The following LRP2 variants were observed in gnomAD, a reference collection of about 807,000 sequenced individuals.
LRP2 encodes LDL receptor related protein 2.
A neutral mutation model predicts 531.0 loss-of-function variants in LRP2; 172 were observed. The observed-to-expected ratio is 0.32, with a 90% CI of 0.29 to 0.37. LRP2 has a LOEUF of 0.37. Among genes scored for constraint, LRP2 ranks in the 10% least tolerant of loss-of-function variants. LRP2 has a pLI of 1.00. For synonymous variants in LRP2, 1,992 were observed against 2,027.6 expected, an observed-to-expected ratio of 0.98 and a Z score of 0.47; for missense variants, 5,167 against 5,868.3, an observed-to-expected ratio of 0.88 and a Z score of 3.90.
At chr2:169,168,172 G>C (rs1686858944) in intron 61 of LRP2, among the ~76,000 whole-genome samples, 1 of 150,886 alleles carries the variant, frequency 6.6e-6, no homozygotes, top group Admixed American at 6.6e-5. Context: ...GTTTGGAGAG[G>C]GTACTTCAGG....
chr2:169,143,550 G>A (rs1685803916), intron 70 of LRP2, among the ~76,000 whole-genome samples: 1 of 152,198 alleles, frequency 6.6e-6, no homozygotes. Flanking sequence ...GGAGGCTGAG[G>A]CAGGAGAATG....
intron 15 of LRP2, 138 bp downstream of exon 15, chr2:169,272,789 G>T (rs1683452775): frequency 1.9e-6 from 2 of 1,042,866 alleles, no homozygotes; most frequent in Non-Finnish European, 1.5e-6. Context: ...TGCCCTGTGG[G>T]CTACAGAAAG....
chr2:169,241,354 G>T lies in LRP2; in HGVS notation c.3679C>A (p.Pro1227Thr), dbSNP rs751177374. The change falls in exon 25 of 79, where the codon CCT (proline) becomes ACT (threonine). Residue 1227 changes from proline (P) to threonine (T), a missense_variant. Coordinates refer to ENST00000649046, the MANE Select transcript of LRP2 (RefSeq NM_004525.3). ...AATTCATCTGAGTGGCACATACCAG[G>T]AGGCCTGGTTGCTAGAAGGAAAACA... ...SDEAGCPTRP[P>T]GMCHSDEFQC... The T allele has an allele frequency of 7.4e-6, 12 of 1,614,052 alleles. No individual in the cohort carries two copies. Among genetic ancestry groups the T allele is most frequent in the Admixed American group, 1.7e-5 (1 of 60,006 alleles).
chr2:169,222,423 C>G (rs1415683108), intron 33 of LRP2, among the ~76,000 whole-genome samples: 1 of 152,100 alleles, frequency 6.6e-6, no homozygotes, highest in African/African-American at 2.4e-5. Flanking sequence ...AGTGTTGTCC[C>G]CAGTCATAAA....
intron 32 of LRP2, among the ~76,000 whole-genome samples, chr2:169,226,182 G>A (rs923004544): frequency 1.6e-4 from 24 of 152,194 alleles, no homozygotes; most frequent in Non-Finnish European, 2.5e-4. Context: ...TGCTGAATGA[G>A]TAAATAATAC....
intron 10 of LRP2, among the ~76,000 whole-genome samples, chr2:169,282,017 A>G (rs1683717654): frequency 6.6e-6 from 1 of 152,320 alleles, no homozygotes. Flanking sequence ...ATTTCACTAC[A>G]TATCTTCTTA....
intron 50 of LRP2, among the ~76,000 whole-genome samples, chr2:169,184,926 A>C (rs1687578545): frequency 6.6e-6 from 1 of 151,898 alleles, no homozygotes; most frequent in Non-Finnish European, 1.5e-5. Context: ...TTTCCTGGCT[A>C]ATTTTTTTCA....
At chr2:169,240,792 A>C in intron 25 of LRP2, 196 bp downstream of exon 25, 2 of 688,676 alleles carry the variant, frequency 2.9e-6, no homozygotes, top group East Asian at 2.6e-5. Flanking sequence ...AACCAAGTAC[A>C]AAGGATTTAA....
At chr2:169,132,072 A>T (rs192480666) in intron 77 of LRP2, among the ~76,000 whole-genome samples, 1 of 152,316 alleles carries the variant, frequency 6.6e-6, no homozygotes, top group African/African-American at 2.4e-5. Context: ...TAGTTAGATG[A>T]TTGGTTGGCC....
intron 15 of LRP2, 47 bp downstream of exon 15, chr2:169,272,880 C>A: frequency 6.2e-7 from 1 of 1,611,092 alleles, no homozygotes. Flanking sequence ...TTTGGACACA[C>A]ATACACCTGT....
intron 57 of LRP2, 82 bp downstream of exon 57, chr2:169,173,011 TACA>T: frequency 6.6e-7 from 1 of 1,509,850 alleles, no homozygotes; most frequent in Non-Finnish European, 9.2e-7. Context: ...ACATGGGAAA[TACA>T]CTCTCATCTC....
chr2:169,317,658 T>C (rs928165183), intron 3 of LRP2, among the ~76,000 whole-genome samples: 2 of 152,156 alleles, frequency 1.3e-5, no homozygotes, highest in African/African-American at 4.8e-5. Flanking sequence ...ACATCCACAA[T>C]GATACAAGAA....
intron 58 of LRP2, among the ~76,000 whole-genome samples, chr2:169,170,944 T>TG (rs57645585): frequency 2.3e-5 from 3 of 132,096 alleles, no homozygotes; most frequent in East Asian, 4.7e-4. Context: ...TTTTTTTTTT[T>TG]GAAACAGGAT....
intron 1 of LRP2, among the ~76,000 whole-genome samples, chr2:169,353,831 A>G (rs996848166): frequency 2.0e-5 from 3 of 152,114 alleles, no homozygotes; most frequent in Non-Finnish European, 4.4e-5. Context: ...TCTCTACAAA[A>G]AATATAAAAA....
rs531908429 is a variant in LRP2 at position 169,310,149 on chromosome 2, T to C, written c.311-2752A>G. On this transcript the variant is annotated intron_variant, in intron 3 of 78. Transcript: ENST00000649046. ...CTGAGACGATGGGGTTTTCTAAATA[T>C]ACAATCATGTCATCTGCAAACGGGG... 1.3e-3 allele frequency among the ~76,000 whole-genome samples: 193 copies of C among 152,342 alleles called. 1 individual carries two copies. The highest frequency in any genetic ancestry group is 4.4e-3 in the African/African-American group (183 of 41,574).
At chr2:169,331,572 C>G (rs1685268968) in intron 1 of LRP2, among the ~76,000 whole-genome samples, 1 of 152,136 alleles carries the variant, frequency 6.6e-6, no homozygotes, top group African/African-American at 2.4e-5. Context: ...GGCCCCAATC[C>G]CCACTAGAGA....
intron 15 of LRP2, among the ~76,000 whole-genome samples, chr2:169,272,690 GT>G (rs921950985): frequency 1.1e-4 from 16 of 152,186 alleles, no homozygotes; most frequent in African/African-American, 3.6e-4. Flanking sequence ...AACCTTAGAT[GT>G]GGGATTAAAG....
At chr2:169,238,616 TG>T (rs1689693018) in intron 26 of LRP2, among the ~76,000 whole-genome samples, 1 of 152,168 alleles carries the variant, frequency 6.6e-6, no homozygotes, top group African/African-American at 2.4e-5. Flanking sequence ...TTTTGTACTT[TG>T]GTTATCTTCC....
At chr2:169,166,684 C>G (rs766411318) in intron 61 of LRP2, among the ~76,000 whole-genome samples, 1 of 152,236 alleles carries the variant, frequency 6.6e-6, no homozygotes, top group Non-Finnish European at 1.5e-5. Flanking sequence ...ATCTCACAAT[C>G]AAACCCTGAC....
Sources: allele counts gnomAD v4.1 joint callset (sites outside exome capture counted in the v4.1 genomes callset), GRCh38; gene constraint gnomAD v4.1.1; transcripts MANE v1.5; gene names NCBI Gene and HGNC (gene_info 2026-07-23, HGNC 2026-07-21).